The following PDE6A variants were observed in gnomAD, a reference collection of about 807,000 sequenced individuals.
PDE6A encodes phosphodiesterase 6A, also known as rod cGMP-specific 3',5'-cyclic phosphodiesterase subunit alpha.
PDE6A carries 84 observed loss-of-function variants against 106.3 expected under a neutral mutation model. The observed-to-expected ratio is 0.79, with a 90% CI of 0.66 to 0.95. The LOEUF (loss-of-function observed/expected upper bound fraction) is 0.95, where lower values mean the gene tolerates loss of function less well. PDE6A is among the 40% of genes least tolerant of loss of function. The pLI is 0.00. For synonymous variants in PDE6A, 394 were observed against 386.6 expected, an observed-to-expected ratio of 1.02 and a Z score of -0.23; for missense variants, 1,052 against 1,084.9, an observed-to-expected ratio of 0.97 and a Z score of 0.43.
At chr5:149,939,514 C>G (rs969094555) in intron 1 of PDE6A, among the ~76,000 whole-genome samples, 4 of 152,150 alleles carry the variant, frequency 2.6e-5, no homozygotes, top group Admixed American at 2.0e-4. Context: ...AGAATAGATC[C>G]TTAACAACGA....
intron 5 of PDE6A, among the ~76,000 whole-genome samples, chr5:149,919,545 G>A (rs564270734): frequency 2.1e-3 from 325 of 152,236 alleles, no homozygotes; most frequent in Non-Finnish European, 3.5e-3. Flanking sequence ...AATCCCACAG[G>A]AGAAAAACTG....
At position 149,886,356 on chromosome 5, in the gene PDE6A, A is replaced by G. The variant is rs1752305008; in HGVS notation, c.1747T>C (p.Tyr583His). Residue 583 changes from tyrosine to histidine, a missense_variant, in exon 14 of 22, where the codon TAC becomes CAC. Physicochemically the swap from Tyr to His is moderately conservative, Grantham distance 83. This residue lies in a region of PDE6A where 913 missense variants were observed against 915.2 expected (regional missense o/e 1.00). Coordinates refer to ENST00000255266, the MANE Select transcript of PDE6A (RefSeq NM_000440.3). ...GCCAAGGCCTCTAGGTCCGTGAAGT[A>G]GCGCTTCAGCTTTCCCGTCTGGAAG... ...SLLVTGKLKRYFTDLEALAMV... is the reference protein window; with the variant it reads ...SLLVTGKLKRHFTDLEALAMV... The G allele has an allele frequency of 6.2e-7, 1 of 1,613,918 alleles. No homozygotes were observed. The highest frequency in any genetic ancestry group is 8.5e-7 in the Non-Finnish European group (1 of 1,179,752).
At chr5:149,936,735 A>G (rs1754197151) in intron 1 of PDE6A, among the ~76,000 whole-genome samples, 1 of 152,250 alleles carries the variant, frequency 6.6e-6, no homozygotes, top group Non-Finnish European at 1.5e-5. Flanking sequence ...CAAAGGCAGA[A>G]GGAGACTTAG....
Position 149,915,018 on chromosome 5 carries a change from A to G in PDE6A, c.934-11T>C, listed in dbSNP as rs1554090705. On this transcript the variant is annotated splice_polypyrimidine_tract_variant and intron_variant, in intron 5 of 21. Coordinates refer to ENST00000255266, the MANE Select transcript of PDE6A (RefSeq NM_000440.3). ...GTAAAAGTTAATTTCCTGGCAAAAG[A>G]GAGAAAAATTATACTTTTTTTTTTT... The G allele has an allele frequency of 6.8e-7, 1 of 1,476,582 alleles. No homozygotes were observed. The highest frequency in any genetic ancestry group is 9.4e-7 in the Non-Finnish European group (1 of 1,062,496). 91.5% of individuals were successfully genotyped at this position (1,476,582 alleles called of 1,614,324 possible).
At chr5:149,920,942 A>AAAAAAGAAAGAAAG (rs1554091213) in intron 5 of PDE6A, among the ~76,000 whole-genome samples, 1 of 108,350 alleles carries the variant, frequency 9.2e-6, no homozygotes, top group East Asian at 2.6e-4. Context: ...GAAAGAGAGA[A>AAAAAAGAAAGAAAG]AAAGAAAGAA....
intron 3 of PDE6A, chr5:149,932,681 G>A (rs1244890038): frequency 6.2e-7 from 1 of 1,610,460 alleles, no homozygotes; most frequent in Admixed American, 1.7e-5. Context: ...AGCAGCAGTG[G>A]GAGAAGGAAA....
chr5:149,910,874 CTT>C (rs386405293), intron 6 of PDE6A, among the ~76,000 whole-genome samples: 4 of 87,150 alleles, frequency 4.6e-5, no homozygotes, highest in South Asian at 4.8e-4. Context: ...TTTCTTTTTC[CTT>C]TTTTTTTTTT....
At chr5:149,936,323 A>G (rs762915174) in intron 1 of PDE6A, among the ~76,000 whole-genome samples, 31 of 152,222 alleles carry the variant, frequency 2.0e-4, no homozygotes, top group Non-Finnish European at 4.3e-4. Context: ...TAAAGGAATT[A>G]AGAGAAGCTT....
intron 14 of PDE6A, among the ~76,000 whole-genome samples, 159 bp from the exon 15 acceptor site, chr5:149,885,026 C>T (rs1163061082): frequency 6.6e-6 from 1 of 152,168 alleles, no homozygotes; most frequent in Non-Finnish European, 1.5e-5. Context: ...GCATGGACCC[C>T]TTCCCCAGAG....
intron 20 of PDE6A, among the ~76,000 whole-genome samples, chr5:149,865,097 C>G (rs111827238): frequency 0.077 from 11,738 of 151,916 alleles, 726 homozygotes; most frequent in African/African-American, 0.17. Context: ...AAAATTAGCC[C>G]GGTGTGGTGG....
Position 149,936,234 on chromosome 5 carries a change from T to G in PDE6A, c.475-1516A>C, listed in dbSNP as rs183894674. 1.5e-3 allele frequency among the ~76,000 whole-genome samples: 222 copies of G among 149,706 alleles called. 4 individuals carry two copies. In the South Asian group the frequency reaches 0.016, roughly 11 times the overall value. Reference sequence around the variant, plus strand: ...GAGCATAATGCTCTGCATCTATAGATTTCTTCTAGTTGGAATGGGATTAAA... The same window carrying G: ...GAGCATAATGCTCTGCATCTATAGAGTTCTTCTAGTTGGAATGGGATTAAA... On this transcript the variant is annotated intron_variant, in intron 1 of 21. Transcript: ENST00000255266.
chr5:149,929,694 C>A (rs1753974464), intron 4 of PDE6A, among the ~76,000 whole-genome samples: 1 of 151,788 alleles, frequency 6.6e-6, no homozygotes, highest in African/African-American at 2.4e-5. Flanking sequence ...TATATATGAA[C>A]CTCAAAAAGG....
chr5:149,879,428 T>A (rs1038048376), intron 17 of PDE6A, among the ~76,000 whole-genome samples: 10 of 144,000 alleles, frequency 6.9e-5, no homozygotes, highest in South Asian at 4.7e-4. Context: ...GTTTTTTTTT[T>A]ATTATTGTTA....
intron 4 of PDE6A, among the ~76,000 whole-genome samples, chr5:149,922,210 G>T (rs1311199854): frequency 6.6e-6 from 1 of 152,046 alleles, no homozygotes; most frequent in Non-Finnish European, 1.5e-5. Flanking sequence ...ACTGATAAGT[G>T]ACAAATGTGA....
chr5:149,870,861 GAGAAAGAGAA>G (rs772764581), intron 17 of PDE6A, among the ~76,000 whole-genome samples: 83 of 126,920 alleles, frequency 6.5e-4, no homozygotes, highest in African/African-American at 1.1e-3. Context: ...AAGAAAGAAA[GAGAAAGAGAA>G]AGAAAGAGAA....
intron 4 of PDE6A, among the ~76,000 whole-genome samples, chr5:149,923,702 C>G (rs1753798742): frequency 6.6e-6 from 1 of 152,164 alleles, no homozygotes; most frequent in African/African-American, 2.4e-5. Context: ...ACAGGTTCTT[C>G]CCCACTACTT....
At position 149,858,878 on chromosome 5, in the gene PDE6A, G is replaced by T. The variant is rs1241772416; in HGVS notation, c.*2017C>A. The T allele has an allele frequency of 7.1e-6, 1 of 140,384 alleles. No homozygotes were observed. Among genetic ancestry groups the T allele is most frequent in the South Asian group, 2.3e-4 (1 of 4,408 alleles). The allele number at this position is 140,384 out of a possible 1,614,324, so 8.7% of individuals were successfully genotyped here. ...TTGCTCTTGTTGCCCAGGCTGGAGT[G>T]CAGTGGCATGATCTCAGCTCACTGC... On this transcript the variant is annotated 3_prime_UTR_variant, in exon 22 of 22. Transcript: ENST00000255266.
chr5:149,941,457 T>G (rs1262834857), intron 1 of PDE6A, among the ~76,000 whole-genome samples: 1 of 152,064 alleles, frequency 6.6e-6, no homozygotes, highest in Non-Finnish European at 1.5e-5. Flanking sequence ...ATCAAAGAAG[T>G]CTTTGTCAGA....
chr5:149,906,519 C>CAAAAAAAAAAAAAAAAAACAAAAA (rs1753190388), intron 7 of PDE6A, among the ~76,000 whole-genome samples: 1 of 54,204 alleles, frequency 1.8e-5, no homozygotes, highest in African/African-American at 6.2e-5. Context: ...GAGACACTGT[C>CAAAAAAAAAAAAAAAAAACAAAAA]AAAAAAAAAA....
Sources: gnomAD v4.1 joint callset for allele counts (sites outside exome capture counted in the v4.1 genomes callset) on GRCh38, gnomAD v4.1.1 for gene constraint, gnomAD v4.1.1 regional missense constraint, MANE v1.5 for transcripts, NCBI Gene and HGNC (gene_info 2026-07-23, HGNC 2026-07-21) for gene names.